Variants in CDH11 observed in about 807,000 individuals in gnomAD.
The protein encoded by CDH11 is cadherin 11.
Under a neutral mutation model 67.8 loss-of-function variants are expected in CDH11, and 11 were observed. The ratio of observed to expected loss-of-function variants is 0.16; its 90% CI spans 0.10 to 0.27. The LOEUF (loss-of-function observed/expected upper bound fraction) is 0.27, where lower values mean the gene tolerates loss of function less well. Ranked by LOEUF, CDH11 falls within the 10% of genes least tolerant of loss-of-function variation. The pLI is 1.00. For missense variants in CDH11, 847 were observed against 1,031.2 expected (o/e 0.82, Z 2.45); for synonymous variants, 419 against 400.0 (o/e 1.05, Z -0.57).
intron 11 of CDH11, among the ~76,000 whole-genome samples, chr16:64,969,014 T>C (rs2071924408): frequency 6.6e-6 from 1 of 152,192 alleles, no homozygotes; most frequent in Non-Finnish European, 1.5e-5. Context: ...AAGTAATTTT[T>C]CTTAAAAAGT....
chr16:65,075,491 C>A (rs1439913691), intron 1 of CDH11, among the ~76,000 whole-genome samples: 1 of 152,188 alleles, frequency 6.6e-6, no homozygotes, highest in Non-Finnish European at 1.5e-5. Context: ...CTCTTCTCCA[C>A]ACTAATGCTC....
chr16:65,048,682 ATG>A (rs952460082), intron 2 of CDH11, among the ~76,000 whole-genome samples: 5 of 152,056 alleles, frequency 3.3e-5, no homozygotes, highest in African/African-American at 9.7e-5. Flanking sequence ...ATATGTATAT[ATG>A]TGTGTGTATA....
intron 2 of CDH11, among the ~76,000 whole-genome samples, chr16:65,020,859 A>C (rs1412019772): frequency 2.0e-5 from 3 of 152,156 alleles, no homozygotes; most frequent in African/African-American, 7.2e-5. Context: ...GGTTTTTCTT[A>C]CTTGGACTAC....
intron 1 of CDH11, among the ~76,000 whole-genome samples, chr16:65,091,554 C>CT (rs571736697): frequency 0.079 from 10,765 of 136,242 alleles, 758 homozygotes; most frequent in African/African-American, 0.19. Context: ...TAGGCCTTTC[C>CT]TTTTTTTTTT....
At position 64,991,910 on chromosome 16, in the gene CDH11, G is replaced by A. The variant is rs1012948358; in HGVS notation, c.669C>T (p.Asn223=). 6.2e-6 allele frequency: 10 copies of A among 1,613,218 alleles called. No homozygotes were observed. The highest frequency in any genetic ancestry group is 3.3e-5 in the Admixed American group (2 of 59,994). Residue 223 remains asparagine (N), a synonymous_variant, in exon 6 of 13, where the codon AAC becomes AAT. Coordinates refer to ENST00000268603, the MANE Select transcript of CDH11 (RefSeq NM_001797.4). The stretch of plus-strand genomic sequence containing the variant: ...ACTCCTCCTTGGCCTCCCTGTCCAT[G>A]TTGGGTAGGGCTGTTCTGATGATAC... ...QTGIIRTALP[N]MDREAKEEYH...
At chr16:65,027,475 T>C (rs980081611) in intron 2 of CDH11, among the ~76,000 whole-genome samples, 1 of 152,174 alleles carries the variant, frequency 6.6e-6, no homozygotes, top group African/African-American at 2.4e-5. Context: ...CATACACCAT[T>C]GGTTGGGCAG....
chr16:65,031,162 C>G (rs1354261441), intron 2 of CDH11, among the ~76,000 whole-genome samples: 1 of 152,198 alleles, frequency 6.6e-6, no homozygotes, highest in Admixed American at 6.5e-5. Context: ...AACTTTCAAG[C>G]TCTTTTCAGA....
chr16:65,009,910 C>T (rs12930560), intron 2 of CDH11, among the ~76,000 whole-genome samples: 1,825 of 152,292 alleles, frequency 0.012, 13 homozygotes, highest in Middle Eastern at 0.024. Flanking sequence ...TCAGAAGCCA[C>T]CGTGCCTTGA....
At chr16:64,961,339 T>C (rs1046679668) in intron 11 of CDH11, among the ~76,000 whole-genome samples, 3 of 152,278 alleles carry the variant, frequency 2.0e-5, no homozygotes, top group Non-Finnish European at 2.9e-5. Flanking sequence ...TGAAAACTCC[T>C]AAAATTTTCC....
intron 1 of CDH11, among the ~76,000 whole-genome samples, chr16:65,061,738 C>T (rs1465247118): frequency 1.3e-5 from 2 of 152,220 alleles, no homozygotes; most frequent in Non-Finnish European, 2.9e-5. Context: ...TAACTCTCAG[C>T]ATTTCTCTAT....
chr16:65,110,445 G>C (rs16968508), intron 1 of CDH11, among the ~76,000 whole-genome samples: 32,108 of 151,972 alleles, frequency 0.21, 3,720 homozygotes, highest in Middle Eastern at 0.33. Flanking sequence ...ACCTAGGAAG[G>C]CTGGGCAGTT....
intron 1 of CDH11, among the ~76,000 whole-genome samples, chr16:65,085,580 AGATT>A (rs2074683717): frequency 6.6e-6 from 1 of 152,232 alleles, no homozygotes; most frequent in African/African-American, 2.4e-5. Context: ...AGATGTAGGT[AGATT>A]GATTGGTCTG....
At chr16:65,001,800 T>TAAA (rs34584816) in intron 3 of CDH11, among the ~76,000 whole-genome samples, 11 of 143,150 alleles carry the variant, frequency 7.7e-5, no homozygotes, top group Non-Finnish European at 6.1e-5. Flanking sequence ...ACACACACAT[T>TAAA]AAAAAAAAAA....
At chr16:65,051,011 A>C (rs9940543) in intron 2 of CDH11, among the ~76,000 whole-genome samples, 10,415 of 152,170 alleles carry the variant, frequency 0.068, 1,223 homozygotes, top group African/African-American at 0.24. Flanking sequence ...ATCATCATTC[A>C]CAGACATATC....
At chr16:65,098,731 T>C (rs11863328) in intron 1 of CDH11, among the ~76,000 whole-genome samples, 1 of 152,132 alleles carries the variant, frequency 6.6e-6, no homozygotes, top group Non-Finnish European at 1.5e-5. Context: ...TAGGTGCTTA[T>C]CAAATGCCTA....
chr16:65,020,992 TA>T (rs1341669771), intron 2 of CDH11, among the ~76,000 whole-genome samples: 3 of 151,982 alleles, frequency 2.0e-5, no homozygotes, highest in Admixed American at 6.6e-5. Context: ...TTTTTTTTTT[TA>T]CCAAATCCTG....
chr16:65,026,192 TTTAA>T (rs1386703358), intron 2 of CDH11, among the ~76,000 whole-genome samples: 2 of 152,184 alleles, frequency 1.3e-5, no homozygotes, highest in Non-Finnish European at 2.9e-5. Flanking sequence ...AATTAGCTTT[TTTAA>T]TTGAGTGTCT....
At chr16:65,094,344 C>G (rs527538176) in intron 1 of CDH11, among the ~76,000 whole-genome samples, 2 of 152,224 alleles carry the variant, frequency 1.3e-5, no homozygotes, top group African/African-American at 4.8e-5. Context: ...TTTCTTGATA[C>G]TTGATGTCAG....
rs1202015541 is a variant in CDH11 at position 65,121,525 on chromosome 16, G to C, written c.-298+355C>G. Among the ~76,000 whole-genome samples, 3 of 152,128 alleles carry C rather than the reference G, an allele frequency of 2.0e-5. No individual in the cohort carries two copies. The highest frequency in any genetic ancestry group is 4.4e-5 in the Non-Finnish European group (3 of 68,022). ...AGAGATATGACCGGGGACAGTCGGC[G>C]TGTCCGGAGGTCTGCTCTGCAGTCT... On this transcript the variant is annotated intron_variant, in intron 1 of 12. Coordinates refer to ENST00000268603, the MANE Select transcript of CDH11 (RefSeq NM_001797.4). The surrounding 1 kb of genome is among the most constrained non-coding windows in gnomAD (Gnocchi z 4.1).
Sources: gnomAD v4.1 joint callset for allele counts (sites outside exome capture counted in the v4.1 genomes callset) on GRCh38, gnomAD v4.1.1 for gene constraint, Gnocchi (gnomAD v3.1) non-coding constraint, MANE v1.5 for transcripts, NCBI Gene and HGNC (gene_info 2026-07-23, HGNC 2026-07-21) for gene names.